Variants in STPG2 observed in about 807,000 individuals in gnomAD.
STPG2 encodes sperm tail PG-rich repeat containing 2.
Under a neutral mutation model 54.2 loss-of-function variants are expected in STPG2, and 56 were observed. The observed-to-expected ratio is 1.03, with a 90% CI of 0.83 to 1.29. The LOEUF (loss-of-function observed/expected upper bound fraction) is 1.29. Ranked by LOEUF, STPG2 falls within the 50% of genes most tolerant of loss-of-function variation. The pLI is 0.00. For missense variants in STPG2, 596 were observed against 544.9 expected (o/e 1.09, Z -0.93); for synonymous variants, 200 against 181.8 (o/e 1.10, Z -0.81).
intron 8 of STPG2, among the ~76,000 whole-genome samples, chr4:97,858,239 A>T (rs1578628423): frequency 6.6e-6 from 1 of 152,136 alleles, no homozygotes; most frequent in Non-Finnish European, 1.5e-5. Context: ...GACTACCTCA[A>T]GTCATTTAAT....
chr4:97,919,620 A>G (rs891029934), intron 8 of STPG2, among the ~76,000 whole-genome samples: 6 of 152,104 alleles, frequency 3.9e-5, no homozygotes, highest in Non-Finnish European at 7.4e-5. Context: ...AAAGTAGACA[A>G]AAGAAGAAAT....
chr4:97,477,758 G>C (rs767588597), intron 4 of STPG2, among the ~76,000 whole-genome samples: 1 of 151,754 alleles, frequency 6.6e-6, no homozygotes, highest in Non-Finnish European at 1.5e-5. Context: ...CCAAAGTGCT[G>C]GGATTACAGA....
intron 10 of STPG2, among the ~76,000 whole-genome samples, chr4:97,680,656 C>G (rs977373692): frequency 2.0e-5 from 3 of 152,042 alleles, no homozygotes; most frequent in African/African-American, 7.2e-5. Flanking sequence ...GCCAGAACTT[C>G]CAACACTATA....
rs545092853 is a variant in STPG2 at position 98,139,198 on chromosome 4, T to C, written c.109+3844A>G. On this transcript the variant is annotated intron_variant, in intron 1 of 10. Transcript: ENST00000295268. The stretch of plus-strand genomic sequence containing the variant: ...TGAAATTCCTGGGTAGGAGAGATTC[T>C]CCCTGATCAAATGGCCTACAGCCAC... 1.8e-4 allele frequency among the ~76,000 whole-genome samples: 27 copies of C among 152,246 alleles called. No homozygotes were observed. The South Asian group carries it at 5.6e-3, about 32-fold the overall frequency.
At chr4:97,632,944 T>G (rs1043330977) in intron 10 of STPG2, among the ~76,000 whole-genome samples, 2 of 152,112 alleles carry the variant, frequency 1.3e-5, no homozygotes, top group Non-Finnish European at 2.9e-5. Context: ...TCTAATTATA[T>G]TTAGAAGGGG....
intron 1 of STPG2, among the ~76,000 whole-genome samples, chr4:98,138,312 G>A (rs1323797635): frequency 6.6e-6 from 1 of 152,014 alleles, no homozygotes; most frequent in Admixed American, 6.6e-5. Flanking sequence ...CAAGTGAAGT[G>A]CTAACTACAA....
intron 7 of STPG2, among the ~76,000 whole-genome samples, chr4:97,946,832 T>C (rs1733243340): frequency 7.4e-6 from 1 of 135,558 alleles, no homozygotes; most frequent in African/African-American, 2.4e-5. Flanking sequence ...ATGTGCTGCC[T>C]CCAGATTTGT....
In STPG2 at chr4:97,627,829, C is replaced by T. The variant is rs866961078; in HGVS notation, c.1321-68712G>A. Among the ~76,000 whole-genome samples, 11 of 151,210 alleles carry T rather than the reference C, an allele frequency of 7.3e-5. 1 individual carries two copies. The highest frequency in any genetic ancestry group is 6.8e-3 in the Middle Eastern group (2 of 294). ...GATCTGCTGTCTGCAACATGGAAAC[C>T]CAGGAAACTGGTTGATGTAATTCTG... On this transcript the variant is annotated intron_variant, in intron 10 of 10. Coordinates refer to ENST00000295268, the MANE Select transcript of STPG2 (RefSeq NM_174952.3).
chr4:97,634,799 A>G (rs1320696918), intron 10 of STPG2, among the ~76,000 whole-genome samples: 2 of 151,822 alleles, frequency 1.3e-5, no homozygotes, highest in African/African-American at 4.8e-5. Context: ...AAAAAAGAAT[A>G]AAAAGAAATG....
intron 10 of STPG2, among the ~76,000 whole-genome samples, chr4:97,565,820 G>A (rs1333034152): frequency 4.8e-5 from 7 of 146,976 alleles, no homozygotes; most frequent in African/African-American, 9.8e-5. Flanking sequence ...GTACCCGGCC[G>A]TGTGAGGTGT....
chr4:97,941,451 T>C (rs1240287594), intron 8 of STPG2, among the ~76,000 whole-genome samples: 3 of 152,254 alleles, frequency 2.0e-5, no homozygotes, highest in Middle Eastern at 6.8e-3. Flanking sequence ...AGATGTTTTG[T>C]TTATGTTCAT....
intron 9 of STPG2, among the ~76,000 whole-genome samples, chr4:97,821,130 AGTT>A: frequency 1.3e-5 from 2 of 152,286 alleles, no homozygotes; most frequent in African/African-American, 4.8e-5. Context: ...AAAAACAGGT[AGTT>A]ACTTTAAAGG....
At chr4:97,906,210 A>C (rs1047010778) in intron 8 of STPG2, among the ~76,000 whole-genome samples, 19 of 152,218 alleles carry the variant, frequency 1.2e-4, no homozygotes, top group African/African-American at 4.6e-4. Flanking sequence ...CAGAAATACA[A>C]ACTACTATCA....
chr4:97,845,975 T>C (rs1728937894), intron 8 of STPG2, among the ~76,000 whole-genome samples: 1 of 152,150 alleles, frequency 6.6e-6, no homozygotes, highest in Non-Finnish European at 1.5e-5. Context: ...AGCATGACTA[T>C]GAGAGAATAA....
At chr4:98,054,792 A>G (rs958346530) in intron 5 of STPG2, among the ~76,000 whole-genome samples, 3 of 152,190 alleles carry the variant, frequency 2.0e-5, no homozygotes, top group Non-Finnish European at 4.4e-5. Flanking sequence ...TCAATAAGTT[A>G]TAAGTTCAGC....
At chr4:97,947,218 G>A (rs528714921) in intron 7 of STPG2, among the ~76,000 whole-genome samples, 7 of 152,098 alleles carry the variant, frequency 4.6e-5, no homozygotes, top group South Asian at 2.1e-4. Flanking sequence ...ACTGATTTGC[G>A]TACATTGATT....
chr4:98,056,448 C>T (rs990788212), intron 5 of STPG2, among the ~76,000 whole-genome samples: 1 of 152,152 alleles, frequency 6.6e-6, no homozygotes, highest in Admixed American at 6.5e-5. Context: ...TTGGTGCCCC[C>T]AGCGCAGTGA....
At chr4:98,002,976 A>C (rs1431597530) in intron 5 of STPG2, among the ~76,000 whole-genome samples, 4 of 152,092 alleles carry the variant, frequency 2.6e-5, no homozygotes, top group African/African-American at 9.6e-5. Context: ...GTCTTTCACC[A>C]AGGCAGCTAT....
At chr4:98,130,921 C>CAAAAAAAAAAAAAAAAAA (rs34206321) in intron 2 of STPG2, among the ~76,000 whole-genome samples, 1 of 41,546 alleles carries the variant, frequency 2.4e-5, no homozygotes, top group Non-Finnish European at 4.4e-5. Context: ...GACTCCGTCT[C>CAAAAAAAAAAAAAAAAAA]AAAAAAAAAA....
Sources: allele counts gnomAD v4.1 joint callset (sites outside exome capture counted in the v4.1 genomes callset), GRCh38; gene constraint gnomAD v4.1.1; transcripts MANE v1.5; gene names NCBI Gene and HGNC (gene_info 2026-07-23, HGNC 2026-07-21).